Variants in INTS9 observed in about 807,000 individuals in gnomAD.
INTS9 encodes integrator complex subunit 9, also known as protein related to CPSF subunits of 74 kDa.
A neutral mutation model predicts 79.7 loss-of-function variants in INTS9; 55 were observed. That is an observed-to-expected ratio of 0.69 (90% confidence interval 0.56 to 0.86). The LOEUF is 0.86. Ranked by LOEUF, INTS9 falls within the 40% of genes least tolerant of loss-of-function variation. The pLI, the probability that INTS9 is intolerant of heterozygous loss-of-function variation, is 0.00. For missense variants in INTS9, 721 were observed against 831.5 expected (o/e 0.87, Z 1.64); for synonymous variants, 319 against 325.2 (o/e 0.98, Z 0.20).
At chr8:28,816,767 C>G (rs1393944805) in intron 6 of INTS9, among the ~76,000 whole-genome samples, 2 of 147,616 alleles carry the variant, frequency 1.4e-5, no homozygotes, top group Non-Finnish European at 3.0e-5. Context: ...TACAGTCCCA[C>G]CAACAGTGTA....
chr8:28,806,247 C>CA (rs1338511357), intron 8 of INTS9, among the ~76,000 whole-genome samples: 2 of 151,322 alleles, frequency 1.3e-5, no homozygotes, highest in East Asian at 1.9e-4. Context: ...CAAAACAAAA[C>CA]AAAAAAAACC....
intron 11 of INTS9, among the ~76,000 whole-genome samples, chr8:28,784,668 G>A (rs964767932): frequency 1.3e-5 from 2 of 152,214 alleles, no homozygotes; most frequent in Non-Finnish European, 2.9e-5. Flanking sequence ...CTGACATGCT[G>A]TAAGTAAAAA....
rs562944793 is a variant in INTS9 at position 28,781,093 on chromosome 8, A to G, written c.1099-99T>C. ...TGAGCGGGACTGGATCTAAAATACC[A>G]ACAAAGAAGACAAGCCACGGATTGG... On this transcript the variant is annotated intron_variant, in intron 11 of 16. Transcript: ENST00000521022. 9 of 896,222 alleles carry G rather than the reference A, an allele frequency of 1.0e-5. No individual in the cohort carries two copies. The South Asian group carries it at 1.5e-4, about 15-fold the overall frequency. 55.5% of individuals were successfully genotyped at this position (896,222 alleles called of 1,614,324 possible). A position where few individuals can be genotyped will look rare whatever the true frequency, so the allele number is the denominator to read the frequency against.
At chr8:28,879,681 G>A (rs1451157947) in intron 1 of INTS9, among the ~76,000 whole-genome samples, 1 of 152,158 alleles carries the variant, frequency 6.6e-6, no homozygotes, top group African/African-American at 2.4e-5. Context: ...ATCACCTGGT[G>A]CAGGAATAAA....
intron 13 of INTS9, among the ~76,000 whole-genome samples, chr8:28,776,424 A>G (rs1275001062): frequency 2.4e-5 from 2 of 82,010 alleles, no homozygotes; most frequent in African/African-American, 1.0e-4. Flanking sequence ...GAGCAGAGGC[A>G]GAGTTTTTTT....
At chr8:28,790,267 T>C (rs899860740) in intron 10 of INTS9, among the ~76,000 whole-genome samples, 1 of 152,154 alleles carries the variant, frequency 6.6e-6, no homozygotes, top group African/African-American at 2.4e-5. Flanking sequence ...GGTCCTGGCA[T>C]GGGGGGCTGG....
intron 1 of INTS9, among the ~76,000 whole-genome samples, chr8:28,867,220 C>G (rs1020641023): frequency 2.0e-5 from 3 of 152,148 alleles, no homozygotes; most frequent in Non-Finnish European, 4.4e-5. Context: ...GTCAGGAATT[C>G]AAGACCAGCC....
At chr8:28,889,398 A>G (rs1229558241) in intron 1 of INTS9, among the ~76,000 whole-genome samples, 1 of 152,218 alleles carries the variant, frequency 6.6e-6, no homozygotes, top group Non-Finnish European at 1.5e-5. Context: ...AAGGGCAGTG[A>G]GGAGTCTATA....
At chr8:28,840,717 T>C (rs1429289218) in intron 4 of INTS9, among the ~76,000 whole-genome samples, 1 of 142,952 alleles carries the variant, frequency 7.0e-6, no homozygotes, top group Non-Finnish European at 1.5e-5. Context: ...CCGCATATTC[T>C]CACTCATAGG....
intron 11 of INTS9, among the ~76,000 whole-genome samples, chr8:28,782,231 C>T (rs1563247288): frequency 6.6e-6 from 1 of 152,192 alleles, no homozygotes; most frequent in Non-Finnish European, 1.5e-5. Flanking sequence ...TGGACTCTTC[C>T]TTTATAAGCT....
chr8:28,871,425 G>C (rs573362405), intron 1 of INTS9, among the ~76,000 whole-genome samples: 1 of 151,844 alleles, frequency 6.6e-6, no homozygotes, highest in Admixed American at 6.5e-5. Context: ...TTTTTTTTGA[G>C]ACAGGGTCTC....
intron 5 of INTS9, among the ~76,000 whole-genome samples, chr8:28,835,819 T>A (rs1191160610): frequency 6.6e-6 from 1 of 152,152 alleles, no homozygotes; most frequent in African/African-American, 2.4e-5. Flanking sequence ...TGAACTTTTT[T>A]TTTTTTGAGA....
intron 6 of INTS9, among the ~76,000 whole-genome samples, chr8:28,823,043 A>C (rs1386620117): frequency 6.6e-6 from 1 of 152,188 alleles, no homozygotes; most frequent in Non-Finnish European, 1.5e-5. Flanking sequence ...CCTCAGCTGA[A>C]AGCCATGGCA....
At chr8:28,869,055 T>C (rs1358707511) in intron 1 of INTS9, among the ~76,000 whole-genome samples, 1 of 151,854 alleles carries the variant, frequency 6.6e-6, no homozygotes, top group East Asian at 1.9e-4. Context: ...GATCACACCA[T>C]TGCACTCCAT....
At chr8:28,795,235 T>C (rs989333792) in intron 9 of INTS9, among the ~76,000 whole-genome samples, 2 of 152,144 alleles carry the variant, frequency 1.3e-5, no homozygotes, top group African/African-American at 4.8e-5. Context: ...AAGATTCTCA[T>C]GTTGGCCTAA....
chr8:28,832,160 G>A (rs1324193494), intron 6 of INTS9, among the ~76,000 whole-genome samples: 1 of 152,190 alleles, frequency 6.6e-6, no homozygotes, highest in African/African-American at 2.4e-5. Flanking sequence ...AGAGGGAGAT[G>A]TAGGGAACTG....
chr8:28,887,437 A>C (rs557371007), intron 1 of INTS9, among the ~76,000 whole-genome samples: 1 of 152,360 alleles, frequency 6.6e-6, no homozygotes, highest in South Asian at 2.1e-4. Context: ...CCTATTTAAG[A>C]AAGCTGCATT....
chr8:28,777,288 A>G, intron 13 of INTS9, among the ~76,000 whole-genome samples: 1 of 152,156 alleles, frequency 6.6e-6, no homozygotes, highest in East Asian at 1.9e-4. Context: ...CCCAGCGAGC[A>G]GTGGCTGAGC....
intron 3 of INTS9, among the ~76,000 whole-genome samples, chr8:28,847,938 G>A (rs942397452): frequency 2.0e-5 from 3 of 152,206 alleles, no homozygotes; most frequent in African/African-American, 7.2e-5. Context: ...ACCAACTGCT[G>A]CATTTTGTGC....
Sources: allele counts gnomAD v4.1 joint callset (sites outside exome capture counted in the v4.1 genomes callset), GRCh38; gene constraint gnomAD v4.1.1; transcripts MANE v1.5; gene names NCBI Gene and HGNC (gene_info 2026-07-23, HGNC 2026-07-21).